Variants in PPARGC1B observed in about 807,000 individuals in gnomAD.
PPARGC1B encodes the protein PPARG coactivator 1 beta, also known as peroxisome proliferator-activated receptor gamma coactivator 1-beta.
PPARGC1B carries 34 observed loss-of-function variants against 101.6 expected under a neutral mutation model. The ratio of observed to expected loss-of-function variants is 0.33; its 90% CI spans 0.25 to 0.45. PPARGC1B has a LOEUF of 0.45. Among genes scored for constraint, PPARGC1B ranks in the 20% least tolerant of loss-of-function variants. PPARGC1B has a pLI of 1.00. For missense variants in PPARGC1B, 1,234 were observed against 1,317.6 expected (o/e 0.94, Z 0.98); for synonymous variants, 548 against 539.3 (o/e 1.02, Z -0.22).
chr5:149,744,649 C>T (rs1755025593), intron 1 of PPARGC1B, among the ~76,000 whole-genome samples: 1 of 152,196 alleles, frequency 6.6e-6, no homozygotes, highest in South Asian at 2.1e-4. Flanking sequence ...ATAAAGTTTG[C>T]ATATTGTTAG....
Position 149,837,826 on chromosome 5 carries a change from TC to T in PPARGC1B, c.2618+757del, listed in dbSNP as rs1759170151. Among the ~76,000 whole-genome samples, 1 of 152,162 alleles carries T rather than the reference TC, an allele frequency of 6.6e-6. No individual in the cohort carries two copies. Among genetic ancestry groups the T allele is most frequent in the South Asian group, 2.1e-4 (1 of 4,822 alleles). ...GGCTTGAGGACAGTCAGTGTCATCA[TC>T]CCCAGCCCTGTGTTGAGGTGAAGCT... is the stretch of plus-strand genomic sequence containing the variant. On this transcript the variant is annotated intron_variant, in intron 8 of 11. Coordinates refer to ENST00000309241, the MANE Select transcript of PPARGC1B (RefSeq NM_133263.4). The surrounding 1 kb of genome is among the most constrained non-coding windows in gnomAD (Gnocchi z 4.2).
At position 149,824,438 on chromosome 5, in the gene PPARGC1B, A is replaced by G. The variant is rs185678665; in HGVS notation, c.253-2235A>G. Among the ~76,000 whole-genome samples, 210 of 152,252 alleles carry G rather than the reference A, an allele frequency of 1.4e-3. 1 individual carries two copies. Among genetic ancestry groups the G allele is most frequent in the Admixed American group, 0.012 (188 of 15,288 alleles). ...TCCCAGGCATTGAGCTTAGGGACCT[A>G]AGCACTCTACAAAGCACTCTCATTA... is the stretch of plus-strand genomic sequence containing the variant. On this transcript the variant is annotated intron_variant, in intron 2 of 11. Coordinates refer to ENST00000309241, the MANE Select transcript of PPARGC1B (RefSeq NM_133263.4).
At chr5:149,810,763 C>T (rs978236612) in intron 1 of PPARGC1B, among the ~76,000 whole-genome samples, 7 of 152,064 alleles carry the variant, frequency 4.6e-5, no homozygotes, top group Admixed American at 4.6e-4. Flanking sequence ...GTGTTCCGGC[C>T]CTGGGAGGAG....
chr5:149,785,153 C>A (rs1285807178), intron 1 of PPARGC1B, among the ~76,000 whole-genome samples: 1 of 152,220 alleles, frequency 6.6e-6, no homozygotes, highest in Non-Finnish European at 1.5e-5. Flanking sequence ...GGATCCCAGG[C>A]AGGCCTCTTC....
chr5:149,815,536 C>T (rs1249028301), intron 1 of PPARGC1B, among the ~76,000 whole-genome samples: 1 of 151,618 alleles, frequency 6.6e-6, no homozygotes, highest in African/African-American at 2.4e-5. Flanking sequence ...CCCTAGCAAC[C>T]TAATTTATTT....
In PPARGC1B at chr5:149,819,598, G is replaced by T. The variant is rs191886559; in HGVS notation, c.79-835G>T. Among the ~76,000 whole-genome samples, 135 of 152,244 alleles carry T rather than the reference G, an allele frequency of 8.9e-4. 1 individual carries two copies. The East Asian group carries it at 0.023, about 26-fold the overall frequency. On this transcript the variant is annotated intron_variant, in intron 1 of 11. Coordinates refer to ENST00000309241, the MANE Select transcript of PPARGC1B (RefSeq NM_133263.4). Reference sequence around the variant, plus strand: ...GCTCACTGCAACGTCCGCCTCCCGGGCTCAAGTGATTCTCATGCCTCAGTC... The same window carrying T: ...GCTCACTGCAACGTCCGCCTCCCGGTCTCAAGTGATTCTCATGCCTCAGTC...
At chr5:149,743,907 G>C (rs1199561054) in intron 1 of PPARGC1B, among the ~76,000 whole-genome samples, 1 of 152,200 alleles carries the variant, frequency 6.6e-6, no homozygotes, top group Non-Finnish European at 1.5e-5. Flanking sequence ...CCTCAACTGG[G>C]GAGGGGCTCA....
chr5:149,839,074 T>G (rs1197933661), intron 8 of PPARGC1B, among the ~76,000 whole-genome samples: 1 of 152,154 alleles, frequency 6.6e-6, no homozygotes, highest in African/African-American at 2.4e-5. Context: ...CACCTGGAGG[T>G]ATCTGCTGCT....
chr5:149,842,408 G>A (rs1759388494), intron 10 of PPARGC1B, 31 bp downstream of exon 10: 2 of 1,604,406 alleles, frequency 1.2e-6, no homozygotes, highest in Non-Finnish European at 1.7e-6. Flanking sequence ...GCAAATGAAG[G>A]GAGCAGAGAG....
At position 149,730,575 on chromosome 5, in the gene PPARGC1B, C is replaced by T. The variant is rs1372791956; in HGVS notation, c.78+155C>T. Reference sequence around the variant, plus strand: ...CCCCTTCCAGGCGCCCTGCGATGCGCTCCGTTACCGGGGCAGGGAGCCGGA... The same window carrying T: ...CCCCTTCCAGGCGCCCTGCGATGCGTTCCGTTACCGGGGCAGGGAGCCGGA... On this transcript the variant is annotated intron_variant, in intron 1 of 11. Coordinates refer to ENST00000309241, the MANE Select transcript of PPARGC1B (RefSeq NM_133263.4). This position sits in a 1 kb window ranked among gnomAD's most constrained non-coding sequence, Gnocchi z 4.0. Among the ~76,000 whole-genome samples, 5 of 152,070 alleles carry T rather than the reference C, an allele frequency of 3.3e-5. No individual in the cohort carries two copies. The highest frequency in any genetic ancestry group is 2.6e-4 in the Admixed American group (4 of 15,292).
rs1759663321 is a variant in PPARGC1B, at chr5:149,848,633, G to A, written c.*1075G>A. The A allele has an allele frequency of 6.6e-6, 1 of 152,218 alleles. No individual in the cohort carries two copies. The highest frequency in any genetic ancestry group is 6.5e-5 in the Admixed American group (1 of 15,268). 9.4% of individuals were successfully genotyped at this position (152,218 alleles called of 1,614,324 possible). On this transcript the variant is annotated 3_prime_UTR_variant, in exon 12 of 12. Coordinates refer to ENST00000309241, the MANE Select transcript of PPARGC1B (RefSeq NM_133263.4). ...AATTCAAGCCCTGGCATGTGTCTTGGATGCACCATCAGCTTTGATCCTGAG... is the reference window on the plus strand; with the variant it reads ...AATTCAAGCCCTGGCATGTGTCTTGAATGCACCATCAGCTTTGATCCTGAG...
intron 1 of PPARGC1B, among the ~76,000 whole-genome samples, chr5:149,755,875 T>C (rs936453887): frequency 2.0e-5 from 3 of 151,918 alleles, no homozygotes; most frequent in African/African-American, 7.3e-5. Flanking sequence ...AACTCCTGAC[T>C]TCAGGTAATC....
At chr5:149,783,349 A>G (rs1325761509) in intron 1 of PPARGC1B, among the ~76,000 whole-genome samples, 1 of 152,248 alleles carries the variant, frequency 6.6e-6, no homozygotes, top group East Asian at 1.9e-4. Flanking sequence ...ATGACTACAT[A>G]GGACCTGAGA....
intron 1 of PPARGC1B, among the ~76,000 whole-genome samples, chr5:149,790,813 G>A (rs559517760): frequency 1.7e-4 from 26 of 152,178 alleles, no homozygotes; most frequent in African/African-American, 4.6e-4. Flanking sequence ...TCAGGAATCT[G>A]GACAGTGGAC....
At chr5:149,813,646 G>T (rs1192707743) in intron 1 of PPARGC1B, among the ~76,000 whole-genome samples, 1 of 152,174 alleles carries the variant, frequency 6.6e-6, no homozygotes, top group Admixed American at 6.5e-5. Flanking sequence ...CTGCACCTTG[G>T]GAAGGTACTG....
chr5:149,748,288 GAT>G (rs1755157885), intron 1 of PPARGC1B, among the ~76,000 whole-genome samples: 1 of 97,152 alleles, frequency 1.0e-5, no homozygotes, highest in African/African-American at 4.7e-5. Context: ...GGGGTGAAGA[GAT>G]ATAGATATAG....
chr5:149,834,809 G>C (rs1019091964), intron 6 of PPARGC1B, 99 bp downstream of exon 6: 6 of 1,080,512 alleles, frequency 5.6e-6, no homozygotes, highest in African/African-American at 4.7e-5. Context: ...GCCCACCCCT[G>C]GCCCCGGCCC....
At chr5:149,735,261 A>G (rs1193497061) in intron 1 of PPARGC1B, among the ~76,000 whole-genome samples, 3 of 152,184 alleles carry the variant, frequency 2.0e-5, no homozygotes, top group African/African-American at 7.2e-5. Context: ...AAACCCAGGA[A>G]GGGCAATGGC....
At chr5:149,846,110 A>G in intron 11 of PPARGC1B, 196 bp downstream of exon 11, 1 of 646,402 alleles carries the variant, frequency 1.5e-6, no homozygotes, top group Admixed American at 2.7e-5. Flanking sequence ...CCTCTGGTCC[A>G]CCTTATCCTG....
Sources: gnomAD v4.1 joint callset for allele counts (sites outside exome capture counted in the v4.1 genomes callset) on GRCh38, gnomAD v4.1.1 for gene constraint, Gnocchi (gnomAD v3.1) non-coding constraint, MANE v1.5 for transcripts, NCBI Gene and HGNC (gene_info 2026-07-23, HGNC 2026-07-21) for gene names.